Variants in ZC3H11A observed in about 807,000 individuals in gnomAD.
The protein encoded by ZC3H11A is zinc finger CCCH domain-containing protein 11A.
In ZC3H11A, 22 loss-of-function variants were observed where a neutral mutation model predicts 90.8. The ratio of observed to expected loss-of-function variants is 0.24; its 90% CI spans 0.17 to 0.35. The LOEUF is 0.35. Ranked by LOEUF, ZC3H11A falls within the 10% of genes least tolerant of loss-of-function variation. The pLI is 1.00. For missense variants in ZC3H11A, 701 were observed against 964.9 expected, an observed-to-expected ratio of 0.73 and a Z score of 3.62; for synonymous variants, 294 against 339.8, an observed-to-expected ratio of 0.87 and a Z score of 1.48.
In ZC3H11A at chr1:203,829,672, C is replaced by T; in HGVS notation, c.502+18C>T. On this transcript the variant is annotated intron_variant, in intron 6 of 17. Coordinates refer to ENST00000367210, the MANE Select transcript of ZC3H11A (RefSeq NM_001376342.1). Reference sequence around the variant, plus strand: ...TGATGATGGTAAGTTCTGTCTGGCTCCTTCTTTAAGGCAAATAAATAGGGT... The same window carrying T: ...TGATGATGGTAAGTTCTGTCTGGCTTCTTCTTTAAGGCAAATAAATAGGGT... 4 of 1,614,160 alleles carry T rather than the reference C, an allele frequency of 2.5e-6. No individual in the cohort carries two copies. The highest frequency in any genetic ancestry group is 3.4e-6 in the Non-Finnish European group (4 of 1,179,998).
intron 11 of ZC3H11A, among the ~76,000 whole-genome samples, chr1:203,839,050 T>TGGA (rs1685266757): frequency 6.6e-6 from 1 of 151,570 alleles, no homozygotes; most frequent in Non-Finnish European, 1.5e-5. Context: ...GCCTGCAATA[T>TGGA]GGAGACAGAT....
In ZC3H11A at chr1:203,802,104, T is replaced by G. The variant is rs1010912665; in HGVS notation, c.-1058T>G. ...CAGTGCCAGTTTAGAATGGCTATAA[T>G]GCTGCTCTGCCTTCTACAGCTTGCT... On this transcript the variant is annotated 5_prime_UTR_variant, in exon 2 of 18. It removes an upstream start codon present in the reference 5' UTR. Transcript: ENST00000367210. 61 of 152,772 alleles carry G rather than the reference T, an allele frequency of 4.0e-4. No individual in the cohort carries two copies. Among genetic ancestry groups the G allele is most frequent in the African/African-American group, 1.4e-3 (59 of 41,578 alleles). 9.5% of individuals were successfully genotyped at this position (152,772 alleles called of 1,614,324 possible).
In ZC3H11A at chr1:203,851,083, C is replaced by T. The variant is rs768955302; in HGVS notation, c.2133C>T (p.Asp711=). The T allele has an allele frequency of 6.2e-7, 1 of 1,614,154 alleles. No homozygotes were observed. Among genetic ancestry groups the T allele is most frequent in the Non-Finnish European group, 8.5e-7 (1 of 1,180,020 alleles). ...AVAVVPLVSE[D]KSVTVPEAEN... ...CTGTTGTCCCGCTTGTCTCTGAGGACAAATCAGTCACTGTGCCTGAAGCAG... is the reference window on the plus strand; with the variant it reads ...CTGTTGTCCCGCTTGTCTCTGAGGATAAATCAGTCACTGTGCCTGAAGCAG... The change falls in exon 17 of 18, where the codon GAC becomes GAT. Residue 711 remains aspartate (D), a synonymous_variant. Coordinates refer to ENST00000367210, the MANE Select transcript of ZC3H11A (RefSeq NM_001376342.1).
chr1:203,823,041 A>G (rs1679294424), intron 4 of ZC3H11A, among the ~76,000 whole-genome samples: 1 of 151,826 alleles, frequency 6.6e-6, no homozygotes, highest in African/African-American at 2.4e-5. Context: ...AAATTGATAA[A>G]GGAGTACTCT....
At chr1:203,841,883 C>T (rs1259952847) in intron 12 of ZC3H11A, among the ~76,000 whole-genome samples, 18 of 109,326 alleles carry the variant, frequency 1.6e-4, no homozygotes, top group Admixed American at 1.4e-3. Context: ...ACTTCTCAGA[C>T]GGGGCGGCCG....
intron 2 of ZC3H11A, among the ~76,000 whole-genome samples, chr1:203,804,729 A>G (rs771830065): frequency 2.8e-4 from 42 of 148,704 alleles, no homozygotes; most frequent in South Asian, 4.2e-4. Flanking sequence ...CTGGAGTGCA[A>G]TGGTGCTGTC....
At chr1:203,824,008 C>T (rs1158918337) in intron 4 of ZC3H11A, among the ~76,000 whole-genome samples, 1 of 152,100 alleles carries the variant, frequency 6.6e-6, no homozygotes, top group Non-Finnish European at 1.5e-5. Flanking sequence ...GTGGCTCATG[C>T]CTGTAATCTC....
intron 17 of ZC3H11A, 46 bp from the exon 18 acceptor site, chr1:203,852,095 C>T (rs1168269748): frequency 1.3e-6 from 2 of 1,586,888 alleles, no homozygotes; most frequent in Non-Finnish European, 1.7e-6. Flanking sequence ...ATTCAGCCAA[C>T]TATTTTTAAA....
intron 13 of ZC3H11A, among the ~76,000 whole-genome samples, 189 bp from the exon 14 acceptor site, chr1:203,848,142 G>T (rs1347358246): frequency 2.0e-5 from 3 of 152,170 alleles, no homozygotes. Flanking sequence ...ACAGGTGTGA[G>T]CCACCATGCC....
chr1:203,806,155 A>G (rs769516404), intron 2 of ZC3H11A: 7 of 500,162 alleles, frequency 1.4e-5, no homozygotes, highest in East Asian at 5.4e-5. Flanking sequence ...CTCAGCATCC[A>G]ATCTAGAAAT....
intron 2 of ZC3H11A, among the ~76,000 whole-genome samples, chr1:203,812,363 A>C (rs1674773847): frequency 6.6e-6 from 1 of 152,184 alleles, no homozygotes; most frequent in Admixed American, 6.5e-5. Flanking sequence ...CTTATAAGTG[A>C]GAACATGCTG....
Position 203,849,878 on chromosome 1 carries a change from G to A in ZC3H11A, c.1791G>A (p.Val597=). The change falls in exon 15 of 18, where the codon GTG becomes GTA. Residue 597 remains valine, a synonymous_variant. Coordinates refer to ENST00000367210, the MANE Select transcript of ZC3H11A (RefSeq NM_001376342.1). ...SCNTQVAEKP[V]LTAVPGITRH... is the part of the protein sequence containing the mutation. ...ATACCCAAGTGGCAGAGAAACCAGT[G>A]CTCACTGCTGTGCCAGGAATCACAC... 1.9e-6 allele frequency: 3 copies of A among 1,614,078 alleles called. No individual in the cohort carries two copies. Among genetic ancestry groups the A allele is most frequent in the Non-Finnish European group, 2.5e-6 (3 of 1,180,036 alleles).
chr1:203,798,548 C>T (rs1303209073), intron 1 of ZC3H11A: 2 of 1,536,136 alleles, frequency 1.3e-6, no homozygotes, highest in Admixed American at 2.0e-5. Context: ...GAAGTGATCT[C>T]TTGAGTGATA....
chr1:203,848,761 ATTAC>A (rs2103425805), intron 14 of ZC3H11A, among the ~76,000 whole-genome samples: 1 of 152,238 alleles, frequency 6.6e-6, no homozygotes, highest in East Asian at 1.9e-4. Flanking sequence ...TTAATTGGCC[ATTAC>A]TTTTTTTTAA....
At chr1:203,809,325 A>C (rs1349746197) in intron 2 of ZC3H11A, among the ~76,000 whole-genome samples, 1 of 151,298 alleles carries the variant, frequency 6.6e-6, no homozygotes, top group African/African-American at 2.4e-5. Flanking sequence ...ACAGGCGCAC[A>C]CTACCGTGCC....
In ZC3H11A at chr1:203,840,127, T is replaced by G. The variant is rs529669816; in HGVS notation, c.974-179T>G. 3.9e-5 allele frequency among the ~76,000 whole-genome samples: 6 copies of G among 151,922 alleles called. No homozygotes were observed. The East Asian group carries it at 1.2e-3, about 29-fold the overall frequency. ...CTAATTTTTGCAATTTTAGTAGAGA[T>G]GGGGTTTCACCATGTTGGCCAGGCT... On this transcript the variant is annotated intron_variant, in intron 11 of 17. Coordinates refer to ENST00000367210, the MANE Select transcript of ZC3H11A (RefSeq NM_001376342.1).
chr1:203,833,136 G>A (rs1232841224), intron 9 of ZC3H11A, among the ~76,000 whole-genome samples: 9 of 152,136 alleles, frequency 5.9e-5, no homozygotes, highest in African/African-American at 1.7e-4. Context: ...TTGGGAGGCC[G>A]AGGCGGGCAG....
rs775936642 is a variant in ZC3H11A, at chr1:203,829,605, G to C, written c.453G>C (p.Thr151=). 1.8e-4 allele frequency: 296 copies of C among 1,614,162 alleles called. No homozygotes were observed. The highest frequency in any genetic ancestry group is 2.2e-4 in the Non-Finnish European group (262 of 1,180,038). Residue 151 remains threonine, a synonymous_variant, in exon 6 of 18, where the codon ACG becomes ACC. Transcript: ENST00000367210. ...GTTCCGAAAATGTTCCTAGCCCCAC[G>C]CATCCACCAGTTGTAATTAATGCTG... is the stretch of plus-strand genomic sequence containing the variant. The part of the protein sequence containing the change: ...VESSENVPSP[T]HPPVVINAAD...
intron 3 of ZC3H11A, 109 bp from the exon 4 acceptor site, chr1:203,818,461 C>G: frequency 7.0e-7 from 1 of 1,432,528 alleles, no homozygotes; most frequent in Non-Finnish European, 9.6e-7. Context: ...CCTTACCAGT[C>G]CTTTCTTACT....
Sources: allele counts gnomAD v4.1 joint callset (sites outside exome capture counted in the v4.1 genomes callset), GRCh38; gene constraint gnomAD v4.1.1; transcripts MANE v1.5; gene names NCBI Gene and HGNC (gene_info 2026-07-23, HGNC 2026-07-21).